Variants in SEM1 observed in about 807,000 individuals in gnomAD.
SEM1 encodes 26S proteasome complex subunit SEM1.
Under a neutral mutation model 12.7 loss-of-function variants are expected in SEM1, and 3 were observed. That is an observed-to-expected ratio of 0.24 (90% CI 0.11 to 0.61). The LOEUF is 0.61. SEM1 is among the 20% of genes least tolerant of loss of function. The pLI is 0.88. For missense variants in SEM1, 59 were observed against 81.3 expected (o/e 0.73, Z 1.06); for synonymous variants, 30 against 27.8 (o/e 1.08, Z -0.25).
chr7:96,565,835 TATC>T (rs1486179985), intron 2 of SEM1, among the ~76,000 whole-genome samples: 1 of 151,890 alleles, frequency 6.6e-6, no homozygotes, highest in East Asian at 1.9e-4. Flanking sequence ...AGAATAAAAA[TATC>T]AACCTCTCAA....
At position 96,640,275 on chromosome 7, in the gene SEM1, C is replaced by T. The variant is rs1395752437; in HGVS notation, c.171-17632G>A. 6.6e-6 allele frequency among the ~76,000 whole-genome samples: 1 copy of T among 151,960 alleles called. No individual in the cohort carries two copies. Among genetic ancestry groups the T allele is most frequent in the African/African-American group, 2.4e-5 (1 of 41,420 alleles). On this transcript the variant is annotated intron_variant, in intron 2 of 2. Coordinates refer to the SEM1 transcript ENST00000417009. The surrounding 1 kb of genome is among the most constrained non-coding windows in gnomAD (Gnocchi z 4.0). ...GTCCACACAAAAACTTGCACACACA[C>T]GTTTATTGCAGGCTTATTCATAATT...
In SEM1 at chr7:96,554,982, C is replaced by T. The variant is rs1368915588; in HGVS notation, c.171-48284G>A. Among the ~76,000 whole-genome samples the T allele has an allele frequency of 2.3e-5, 3 of 133,070 alleles. 1 individual carries two copies. The highest frequency in any genetic ancestry group is 7.7e-5 in the African/African-American group (3 of 39,000). The allele number at this position is 133,070 out of a possible 152,430, so 87.3% of individuals were successfully genotyped here. A position where few individuals can be genotyped will look rare whatever the true frequency, so the allele number is the denominator to read the frequency against. ...TCTTCTAGATTTTCTGGTTTATTTG[C>T]GTAGAGGTGTTTGTAGTATTATCTT... On this transcript the variant is annotated intron_variant and NMD_transcript_variant, in intron 2 of 3. Coordinates refer to the SEM1 transcript ENST00000466986.
At chr7:96,592,999 T>TTAAAAAAAAAAAAAA (rs60512379) in intron 2 of SEM1, among the ~76,000 whole-genome samples, 1 of 128,084 alleles carries the variant, frequency 7.8e-6, no homozygotes, top group Non-Finnish European at 1.6e-5. Context: ...TCTCCCATAT[T>TTAAAAAAAAAAAAAA]AAAAAAAAAA....
chr7:96,669,219 C>A (rs1025715242), downstream of SEM1, among the ~76,000 whole-genome samples: 32 of 152,112 alleles, frequency 2.1e-4, no homozygotes, highest in South Asian at 4.1e-4. Context: ...CTCCGAAAGC[C>A]TCATCCAGAA....
intron 1 of SEM1, among the ~76,000 whole-genome samples, chr7:96,493,643 AG>A (rs1194849267): frequency 2.6e-5 from 4 of 152,138 alleles, no homozygotes; most frequent in Admixed American, 2.6e-4. Context: ...TTTCCTAAAC[AG>A]TTCCTTCATC....
chr7:96,584,490 A>T (rs1441228403), intron 2 of SEM1, among the ~76,000 whole-genome samples: 1 of 151,860 alleles, frequency 6.6e-6, no homozygotes, highest in Non-Finnish European at 1.5e-5. Flanking sequence ...CATTCTCTCT[A>T]TTTCCTGAAT....
Position 96,630,628 on chromosome 7 carries a change from G to C in SEM1, c.171-7985C>G, listed in dbSNP as rs901011689. On this transcript the variant is annotated intron_variant, in intron 2 of 2. Coordinates refer to the SEM1 transcript ENST00000417009. ...AGTCCTCTTGGTGCTCTATCCCCCT[G>C]TAGCCAAGGTGGCACCTAAGGTGCA... Among the ~76,000 whole-genome samples, 3 of 152,192 alleles carry C rather than the reference G, an allele frequency of 2.0e-5. No homozygotes were observed. The East Asian group carries it at 5.8e-4, about 29-fold the overall frequency.
intron 2 of SEM1, among the ~76,000 whole-genome samples, chr7:96,552,479 T>C (rs1443023622): frequency 6.6e-6 from 1 of 150,704 alleles, no homozygotes; most frequent in Non-Finnish European, 1.5e-5. Context: ...CTGAGAATGA[T>C]GATTTCCAAT....
At chr7:96,569,686 C>A (rs1267352999) in intron 2 of SEM1, among the ~76,000 whole-genome samples, 1 of 152,010 alleles carries the variant, frequency 6.6e-6, no homozygotes, top group African/African-American at 2.4e-5. Flanking sequence ...AATTTTTCAA[C>A]CTTCACCTTC....
At chr7:96,535,929 A>G (rs1327689080) in intron 2 of SEM1, among the ~76,000 whole-genome samples, 1 of 151,954 alleles carries the variant, frequency 6.6e-6, no homozygotes, top group Admixed American at 6.6e-5. Flanking sequence ...ATACAAGCAC[A>G]TGTGTCTTTA....
chr7:96,537,985 C>T (rs1409093455), intron 2 of SEM1, among the ~76,000 whole-genome samples: 1 of 151,486 alleles, frequency 6.6e-6, no homozygotes, highest in Non-Finnish European at 1.5e-5. Context: ...CTTTTTTTAA[C>T]TTTAATTCTT....
downstream of SEM1, chr7:96,622,274 A>T (rs1807919511): frequency 4.2e-6 from 1 of 235,568 alleles, no homozygotes; most frequent in African/African-American, 2.2e-5. Context: ...CATGGAAAAA[A>T]AAAATAAAAC....
chr7:96,518,031 T>C (rs1804150074), intron 2 of SEM1, among the ~76,000 whole-genome samples: 1 of 152,192 alleles, frequency 6.6e-6, no homozygotes, highest in South Asian at 2.1e-4. Flanking sequence ...ACAATTATCA[T>C]ATAGGATGGA....
At chr7:96,525,701 A>G (rs1804437917) in intron 2 of SEM1, among the ~76,000 whole-genome samples, 1 of 152,152 alleles carries the variant, frequency 6.6e-6, no homozygotes, top group Non-Finnish European at 1.5e-5. Flanking sequence ...TGGGCTGCAT[A>G]ACAGGAGGTC....
chr7:96,644,664 G>A (rs1184960592), intron 2 of SEM1, among the ~76,000 whole-genome samples: 1 of 152,150 alleles, frequency 6.6e-6, no homozygotes, highest in South Asian at 2.1e-4. Flanking sequence ...AAAACCCAGG[G>A]CAGAATGCTT....
intron 2 of SEM1, among the ~76,000 whole-genome samples, chr7:96,541,449 T>A (rs575559748): frequency 6.7e-6 from 1 of 148,318 alleles, no homozygotes; most frequent in Non-Finnish European, 1.5e-5. Flanking sequence ...TTTTGTTTTT[T>A]TTTTTTTTTT....
intron 2 of SEM1, among the ~76,000 whole-genome samples, chr7:96,603,422 T>C (rs1762801238): frequency 6.6e-6 from 1 of 152,156 alleles, no homozygotes; most frequent in Admixed American, 6.5e-5. Flanking sequence ...TGGAGGAAGA[T>C]GTGGCTGTCA....
At chr7:96,692,723 A>G (rs1194858940) in intron 2 of SEM1, among the ~76,000 whole-genome samples, 3 of 152,278 alleles carry the variant, frequency 2.0e-5, no homozygotes, top group African/African-American at 7.2e-5. Flanking sequence ...GGAACAGATG[A>G]TGTAACATTA....
rs73708373 is a variant in SEM1 at position 96,624,639 on chromosome 7, A to G, written c.171-1996T>C. Among the ~76,000 whole-genome samples, 356 of 152,338 alleles carry G rather than the reference A, an allele frequency of 2.3e-3. 4 individuals are homozygous for G. The highest frequency in any genetic ancestry group is 7.9e-3 in the African/African-American group (330 of 41,564). The stretch of plus-strand genomic sequence containing the variant: ...AAAGGACCTGATAAATATTAGCCAC[A>G]TTAATAATTATGCTGAGTCTTTCAG... On this transcript the variant is annotated intron_variant, in intron 2 of 2. Coordinates refer to the SEM1 transcript ENST00000417009.
Sources: allele counts gnomAD v4.1 joint callset (sites outside exome capture counted in the v4.1 genomes callset), GRCh38; gene constraint gnomAD v4.1.1; non-coding constraint Gnocchi (gnomAD v3.1); transcripts MANE v1.5; gene names NCBI Gene and HGNC (gene_info 2026-07-23, HGNC 2026-07-21).